Variants in LYPD6 observed in about 807,000 individuals in gnomAD.
LYPD6 encodes ly6/PLAUR domain-containing protein 6.
Under a neutral mutation model 22.7 loss-of-function variants are expected in LYPD6, and 15 were observed. That is an observed-to-expected ratio of 0.66 (90% CI 0.44 to 1.02). The LOEUF (loss-of-function observed/expected upper bound fraction) is 1.02. Ranked by LOEUF, LYPD6 falls within the 50% of genes least tolerant of loss-of-function variation. The probability of loss-of-function intolerance (pLI) is 0.00; values close to 1 mark genes in which losing one functional copy is unlikely to be tolerated. For missense variants in LYPD6, 189 were observed against 208.4 expected (o/e 0.91, Z 0.57); for synonymous variants, 72 against 77.5 (o/e 0.93, Z 0.37).
chr2:149,346,913 A>C (rs960434589), intron 1 of LYPD6, among the ~76,000 whole-genome samples: 3 of 152,088 alleles, frequency 2.0e-5, no homozygotes, highest in African/African-American at 7.2e-5. Context: ...GTTGGCCAGG[A>C]TGGTCTTGAT....
chr2:149,396,150 T>C (rs1004271491), intron 1 of LYPD6, among the ~76,000 whole-genome samples: 6 of 152,220 alleles, frequency 3.9e-5, no homozygotes, highest in Non-Finnish European at 8.8e-5. Flanking sequence ...CCTATGTTTC[T>C]ATTGTTTTGA....
At chr2:149,424,067 C>A (rs991838117) in intron 1 of LYPD6, among the ~76,000 whole-genome samples, 1 of 152,144 alleles carries the variant, frequency 6.6e-6, no homozygotes, top group Non-Finnish European at 1.5e-5. Flanking sequence ...ACCCTCCTCA[C>A]CAGAAACACC....
chr2:149,461,323 A>C, intron 3 of LYPD6, among the ~76,000 whole-genome samples: 1 of 151,972 alleles, frequency 6.6e-6, no homozygotes, highest in Non-Finnish European at 1.5e-5. Flanking sequence ...CATAACTCAA[A>C]AAACAAAGTA....
At chr2:149,454,537 A>G (rs1680907136) in intron 3 of LYPD6, among the ~76,000 whole-genome samples, 1 of 152,186 alleles carries the variant, frequency 6.6e-6, no homozygotes, top group African/African-American at 2.4e-5. Context: ...CCAGTTTCTT[A>G]ATACTATGAA....
the LYPD6 span, among the ~76,000 whole-genome samples, chr2:149,479,910 C>T: frequency 3.0e-4 from 45 of 152,260 alleles, no homozygotes; most frequent in African/African-American, 1.0e-3. Context: ...CTCTATGGGC[C>T]AGCAAGTCCC....
chr2:149,415,098 C>G (rs1190395337), intron 1 of LYPD6, among the ~76,000 whole-genome samples: 2 of 152,194 alleles, frequency 1.3e-5, no homozygotes, highest in African/African-American at 4.8e-5. Flanking sequence ...TGGACACACA[C>G]TCTAGATTTT....
chr2:149,366,402 C>CT (rs1286378060), intron 1 of LYPD6, among the ~76,000 whole-genome samples: 6 of 152,222 alleles, frequency 3.9e-5, no homozygotes, highest in African/African-American at 1.4e-4. Context: ...GCCACCAACT[C>CT]TGACATCCCT....
intron 1 of LYPD6, among the ~76,000 whole-genome samples, chr2:149,358,103 A>G (rs891628980): frequency 1.3e-5 from 2 of 152,210 alleles, no homozygotes; most frequent in African/African-American, 4.8e-5. Context: ...ATTATATTTC[A>G]AAAATAGTAC....
intron 3 of LYPD6, among the ~76,000 whole-genome samples, chr2:149,460,013 T>A (rs1681052328): frequency 6.6e-6 from 1 of 152,094 alleles, no homozygotes; most frequent in African/African-American, 2.4e-5. Context: ...CAGGATGTGA[T>A]AAGTTTTGCA....
intron 1 of LYPD6, among the ~76,000 whole-genome samples, chr2:149,351,458 A>AATTATCC (rs1352403151): frequency 5.3e-5 from 8 of 151,844 alleles, no homozygotes; most frequent in Non-Finnish European, 2.9e-5. Flanking sequence ...ACTGACTGAG[A>AATTATCC]ATTATCCTGG....
intron 2 of LYPD6, among the ~76,000 whole-genome samples, chr2:149,445,110 C>G (rs530738115): frequency 2.6e-4 from 39 of 152,216 alleles, no homozygotes; most frequent in African/African-American, 8.7e-4. Context: ...TTGTAGATCT[C>G]CTACAGCTCT....
At chr2:149,380,605 G>C (rs1682037572) in intron 1 of LYPD6, among the ~76,000 whole-genome samples, 1 of 152,190 alleles carries the variant, frequency 6.6e-6, no homozygotes, top group Non-Finnish European at 1.5e-5. Context: ...AGACTGACCA[G>C]TTATTCTGTT....
intron 3 of LYPD6, 70 bp downstream of exon 3, chr2:149,449,217 G>A (rs1683756523): frequency 2.0e-6 from 2 of 999,198 alleles, no homozygotes; most frequent in African/African-American, 1.6e-5. Flanking sequence ...TGACTTTGGT[G>A]ATGTATAAAG....
intron 1 of LYPD6, among the ~76,000 whole-genome samples, chr2:149,414,810 T>A (rs1682926983): frequency 6.6e-6 from 1 of 152,240 alleles, no homozygotes; most frequent in South Asian, 2.1e-4. Context: ...GGTGACAGTT[T>A]AGCTTCTTAA....
At chr2:149,417,973 C>T (rs1317140545) in intron 1 of LYPD6, among the ~76,000 whole-genome samples, 1 of 152,176 alleles carries the variant, frequency 6.6e-6, no homozygotes, top group Non-Finnish European at 1.5e-5. Flanking sequence ...TTGCCATGAG[C>T]ATTGAGTTAC....
the LYPD6 span, among the ~76,000 whole-genome samples, chr2:149,483,511 T>G: frequency 5.9e-5 from 9 of 152,296 alleles, no homozygotes; most frequent in East Asian, 1.5e-3. Flanking sequence ...GACTCACTGG[T>G]CAAGAATTAT....
chr2:149,462,246 A>G (rs1411358866), intron 3 of LYPD6, among the ~76,000 whole-genome samples: 1 of 151,998 alleles, frequency 6.6e-6, no homozygotes, highest in African/African-American at 2.4e-5. Context: ...CTATCAATTA[A>G]CATGTGGACA....
At chr2:149,460,553 C>T (rs1681066384) in intron 3 of LYPD6, among the ~76,000 whole-genome samples, 1 of 152,048 alleles carries the variant, frequency 6.6e-6, no homozygotes, top group Admixed American at 6.6e-5. Context: ...ACTTCAACAC[C>T]ACTCTTTCAA....
intron 1 of LYPD6, among the ~76,000 whole-genome samples, chr2:149,364,581 A>G (rs565470736): frequency 1.4e-4 from 21 of 147,676 alleles, no homozygotes; most frequent in Admixed American, 1.4e-3. Context: ...AAGTCAAGCT[A>G]TCCTGATTGG....
Sources: allele counts gnomAD v4.1 joint callset (sites outside exome capture counted in the v4.1 genomes callset), GRCh38; gene constraint gnomAD v4.1.1; transcripts MANE v1.5; gene names NCBI Gene and HGNC (gene_info 2026-07-23, HGNC 2026-07-21).